TET2: variants seen among roughly 807,000 people sequenced by gnomAD.
The protein encoded by TET2 is methylcytosine dioxygenase TET2.
A neutral mutation model predicts 142.9 loss-of-function variants in TET2; 299 were observed. The observed-to-expected ratio is 2.09, with a 90% CI of 1.90 to 2.30. The LOEUF is 2.30. Ranked by LOEUF, TET2 falls within the 30% of genes most tolerant of loss-of-function variation. TET2 has a pLI of 0.00. For synonymous variants in TET2, 819 were observed against 849.0 expected (o/e 0.96, Z 0.61); for missense variants, 2,418 against 2,378.0 (o/e 1.02, Z -0.35).
chr4:105,146,982 C>T lies in TET2; in HGVS notation c.-193+3C>T, dbSNP rs1723053571. 6.6e-6 allele frequency: 1 copy of T among 152,312 alleles called. No homozygotes were observed. Among genetic ancestry groups the T allele is most frequent in the Admixed American group, 6.5e-5 (1 of 15,294 alleles). 9.4% of individuals were successfully genotyped at this position (152,312 alleles called of 1,614,324 possible). A position where few individuals can be genotyped will look rare whatever the true frequency, so the allele number is the denominator to read the frequency against. On this transcript the variant is annotated splice_donor_region_variant and intron_variant, in intron 1 of 10. Coordinates refer to ENST00000380013, the MANE Select transcript of TET2 (RefSeq NM_001127208.3). Reference sequence around the variant, plus strand: ...CAAGGCTGAGGGACGAGAACGAGGTCAGAGCGCTTCTCTTATGCCGCGAAA... The same window carrying T: ...CAAGGCTGAGGGACGAGAACGAGGTTAGAGCGCTTCTCTTATGCCGCGAAA...
Position 105,234,748 on chromosome 4 carries a change from A to G in TET2, c.806A>G (p.His269Arg), listed in dbSNP as rs1173572467. The change falls in exon 3 of 11, where the codon CAT becomes CGT. Residue 269 changes from histidine to arginine, a missense_variant. Coordinates refer to ENST00000380013, the MANE Select transcript of TET2 (RefSeq NM_001127208.3). ...ELSCEITHPS[H>R]TSGQINSAQT... ...TCCTGTGAGATCACTCACCCATCGC[A>G]TACCTCAGGGCAGATCAATTCCGCA... 5 of 1,614,024 alleles carry G rather than the reference A, an allele frequency of 3.1e-6. No individual in the cohort carries two copies. The South Asian group carries it at 4.4e-5, about 14-fold the overall frequency.
chr4:105,238,221 GGT>G (rs1729070708), intron 3 of TET2: 1 of 236,038 alleles, frequency 4.2e-6, no homozygotes, highest in Non-Finnish European at 9.0e-6. Flanking sequence ...TCTTTTTGCT[GGT>G]GGAGGGTCGT....
chr4:105,268,213 T>C (rs188889177), intron 8 of TET2, among the ~76,000 whole-genome samples: 1 of 152,282 alleles, frequency 6.6e-6, no homozygotes, highest in African/African-American at 2.4e-5. Flanking sequence ...AATTAATATA[T>C]GAATTTAGCA....
intron 2 of TET2, among the ~76,000 whole-genome samples, chr4:105,205,201 C>A (rs1039136706): frequency 2.0e-5 from 3 of 152,144 alleles, no homozygotes; most frequent in African/African-American, 7.2e-5. Context: ...ATAAAAATCT[C>A]AACTTATTCT....
At chr4:105,240,059 T>C in intron 3 of TET2, 1 of 237,254 alleles carries the variant, frequency 4.2e-6, no homozygotes, top group Non-Finnish European at 9.0e-6. Flanking sequence ...TGGGTACGGT[T>C]TGTGGCACCC....
chr4:105,230,645 G>C (rs529162134), intron 2 of TET2, among the ~76,000 whole-genome samples: 1 of 152,230 alleles, frequency 6.6e-6, no homozygotes, highest in African/African-American at 2.4e-5. Flanking sequence ...TCTATGAACT[G>C]TCCATGTCCC....
intron 2 of TET2, among the ~76,000 whole-genome samples, chr4:105,213,244 C>T (rs1727280584): frequency 6.6e-6 from 1 of 152,048 alleles, no homozygotes; most frequent in South Asian, 2.1e-4. Context: ...ATGATATAAC[C>T]TGCTGAAGTT....
intron 1 of TET2, among the ~76,000 whole-genome samples, chr4:105,189,109 C>G (rs1230609047): frequency 6.6e-6 from 1 of 151,900 alleles, no homozygotes; most frequent in Admixed American, 6.6e-5. Flanking sequence ...GTGTCCCAGT[C>G]TCAGCTTACT....
chr4:105,210,863 C>G (rs1727116978), intron 2 of TET2, among the ~76,000 whole-genome samples: 1 of 152,150 alleles, frequency 6.6e-6, no homozygotes. Context: ...CTTCATGTAT[C>G]TATGTTTTAT....
Position 105,275,350 on chromosome 4 carries a change from C to A in TET2, c.4840C>A (p.Pro1614Thr), listed in dbSNP as rs1255618116. Residue 1614 changes from proline (P) to threonine (T), a missense_variant, in exon 11 of 11, where the codon CCC becomes ACC. Pro to Thr is a conservative substitution (Grantham distance 38). Transcript: ENST00000380013. ...AGGTTCATATTTGAATTCTTCTAATCCCATGAACCCTTACCCTGGGCTTTT... is the reference window on the plus strand; with the variant it reads ...AGGTTCATATTTGAATTCTTCTAATACCATGAACCCTTACCCTGGGCTTTT... ...AAGSYLNSSN[P>T]MNPYPGLLNQ... The A allele has an allele frequency of 1.3e-6, 2 of 1,551,746 alleles. No individual in the cohort carries two copies. Among genetic ancestry groups the A allele is most frequent in the Admixed American group, 3.9e-5 (2 of 50,996 alleles).
At position 105,235,735 on chromosome 4, in the gene TET2, A is replaced by G; in HGVS notation, c.1793A>G (p.Asn598Ser). Residue 598 changes from asparagine (N) to serine (S), a missense_variant, in exon 3 of 11, where the codon AAT becomes AGT. By Grantham distance (46) the Asn-to-Ser change is conservative (BLOSUM62 1). Transcript: ENST00000380013. ...SILQYQPNLS[N>S]QMTSKQYTGN... ...CTTCAGTATCAACCCAATCTCTCCA[A>G]TCAAATGACCTCCAAACAATACACT... The G allele has an allele frequency of 1.2e-6, 2 of 1,614,170 alleles. No individual in the cohort carries two copies. Among genetic ancestry groups the G allele is most frequent in the Non-Finnish European group, 8.5e-7 (1 of 1,180,020 alleles).
chr4:105,234,583 C>A lies in TET2; in HGVS notation c.641C>A (p.Ser214Tyr). 1 of 1,614,146 alleles carries A rather than the reference C, an allele frequency of 6.2e-7. No homozygotes were observed. The highest frequency in any genetic ancestry group is 2.2e-5 in the East Asian group (1 of 44,856). The change falls in exon 3 of 11, where the codon TCT becomes TAT. Residue 214 changes from serine (S) to tyrosine (Y), a missense_variant. By Grantham distance (144) the Ser-to-Tyr change is moderately radical. Coordinates refer to ENST00000380013, the MANE Select transcript of TET2 (RefSeq NM_001127208.3). ...AVLMPNGATV[S>Y]ASSVEHTHGE... ...CTAATGCCTAATGGTGCTACAGTTT[C>A]TGCCTCTTCCGTGGAACACACACAT...
At chr4:105,200,937 G>A (rs751983958) in intron 2 of TET2, among the ~76,000 whole-genome samples, 1 of 152,110 alleles carries the variant, frequency 6.6e-6, no homozygotes, top group Non-Finnish European at 1.5e-5. Flanking sequence ...GGGATTACAG[G>A]CTTGAGCCAC....
Position 105,235,940 on chromosome 4 carries a change from C to A in TET2, c.1998C>A (p.Asp666Glu). The A allele has an allele frequency of 1.2e-6, 2 of 1,614,132 alleles. No individual in the cohort carries two copies. The highest frequency in any genetic ancestry group is 1.7e-6 in the Non-Finnish European group (2 of 1,180,016). Residue 666 changes from aspartate to glutamate, a missense_variant, in exon 3 of 11, where the codon GAC (aspartate) becomes GAA (glutamate). By Grantham distance (45) the Asp-to-Glu change is conservative. Coordinates refer to ENST00000380013, the MANE Select transcript of TET2 (RefSeq NM_001127208.3). ...PSHQVHFSKT[D>E]HLPKAHVQSL... Reference sequence around the variant, plus strand: ...ACCAGGTGCACTTCTCCAAAACAGACCATTTACCAAAAGCTCATGTGCAGT... The same window carrying A: ...ACCAGGTGCACTTCTCCAAAACAGAACATTTACCAAAAGCTCATGTGCAGT...
chr4:105,234,637 A>G lies in TET2; in HGVS notation c.695A>G (p.Gln232Arg), dbSNP rs202024319. 5.6e-6 allele frequency: 9 copies of G among 1,614,100 alleles called. No homozygotes were observed. The East Asian group carries it at 1.3e-4, about 24-fold the overall frequency. The change falls in exon 3 of 11, where the codon CAA becomes CGA. Residue 232 changes from glutamine (Q) to arginine (R), a missense_variant. Coordinates refer to ENST00000380013, the MANE Select transcript of TET2 (RefSeq NM_001127208.3). The part of the protein sequence containing the change: ...HGELLEKTLS[Q>R]YYPDCVSIAV... ...GAACTCCTGGAAAAAACACTGTCTC[A>G]ATATTATCCAGATTGTGTTTCCATT...
At position 105,235,577 on chromosome 4, in the gene TET2, CAAG is replaced by C; in HGVS notation, c.1636_1638del (p.Lys546del). ...AGCAAGAGATTCTGAAGGGTCGAGA[CAAG>C]GAGCAAACACGAGATCTTGTGCCCC... On this transcript the variant is annotated inframe_deletion, in exon 3 of 11. Coordinates refer to ENST00000380013, the MANE Select transcript of TET2 (RefSeq NM_001127208.3). The C allele has an allele frequency of 8.7e-6, 14 of 1,614,160 alleles. No homozygotes were observed. Among genetic ancestry groups the C allele is most frequent in the Non-Finnish European group, 1.2e-5 (14 of 1,180,012 alleles).
chr4:105,258,567 G>A (rs535863242), intron 6 of TET2, among the ~76,000 whole-genome samples: 6 of 152,184 alleles, frequency 3.9e-5, no homozygotes, highest in Admixed American at 3.9e-4. Context: ...AATACATGAA[G>A]TAATTATTTT....
intron 2 of TET2, among the ~76,000 whole-genome samples, chr4:105,219,725 C>T (rs959440560): frequency 6.6e-6 from 1 of 151,988 alleles, no homozygotes; most frequent in Admixed American, 6.6e-5. Context: ...AAGAATTATG[C>T]ATTGATTAAG....
intron 9 of TET2, among the ~76,000 whole-genome samples, chr4:105,270,813 GAA>G (rs1271484556): frequency 1.3e-5 from 2 of 152,056 alleles, no homozygotes; most frequent in Non-Finnish European, 2.9e-5. Flanking sequence ...TCAACCTAAT[GAA>G]TTATCAACAT....
Sources: gnomAD v4.1 joint callset for allele counts (sites outside exome capture counted in the v4.1 genomes callset) on GRCh38, gnomAD v4.1.1 for gene constraint, MANE v1.5 for transcripts, NCBI Gene and HGNC (gene_info 2026-07-23, HGNC 2026-07-21) for gene names.